The following TENM2 variants were observed in gnomAD, a reference collection of about 807,000 sequenced individuals.
TENM2 encodes teneurin-2.
In TENM2, 52 loss-of-function variants were observed where a neutral mutation model predicts 245.2. The observed-to-expected ratio is 0.21, with a 90% CI of 0.17 to 0.27. The LOEUF is 0.27. Ranked by LOEUF, TENM2 falls within the 10% of genes least tolerant of loss-of-function variation. The probability of loss-of-function intolerance (pLI) is 1.00; values close to 1 mark genes in which losing one functional copy is unlikely to be tolerated. For missense variants in TENM2, 3,046 were observed against 3,666.8 expected, an observed-to-expected ratio of 0.83 and a Z score of 4.37; for synonymous variants, 1,363 against 1,438.9, an observed-to-expected ratio of 0.95 and a Z score of 1.19.
intron 1 of TENM2, among the ~76,000 whole-genome samples, chr5:167,363,358 T>G (rs1423861577): frequency 1.3e-5 from 2 of 152,264 alleles, no homozygotes; most frequent in Admixed American, 6.5e-5. Context: ...TACAAATTTT[T>G]TAGCCGGCAA....
At chr5:168,099,810 G>A (rs1793661737) in intron 9 of TENM2, among the ~76,000 whole-genome samples, 1 of 152,184 alleles carries the variant, frequency 6.6e-6, no homozygotes, top group Non-Finnish European at 1.5e-5. Flanking sequence ...TGGGTCTGAT[G>A]GCACGTGCGT....
chr5:167,034,522 C>T, the TENM2 span, among the ~76,000 whole-genome samples: 4 of 145,018 alleles, frequency 2.8e-5, no homozygotes, highest in South Asian at 4.6e-4. Context: ...CCCAGCTACT[C>T]GGGAGGCTGA....
the TENM2 span, among the ~76,000 whole-genome samples, chr5:167,005,617 C>T: frequency 1.2e-4 from 18 of 149,122 alleles, no homozygotes; most frequent in Admixed American, 1.0e-3. Flanking sequence ...ATGTACTTGC[C>T]GAGAGTAAAT....
At chr5:167,117,077 T>C in the TENM2 span, among the ~76,000 whole-genome samples, 30 of 152,328 alleles carry the variant, frequency 2.0e-4, 3 homozygotes, top group South Asian at 6.0e-3. Context: ...AAGTGCTGCC[T>C]CAGCTGTTCA....
chr5:168,039,220 G>A (rs1787968532), intron 5 of TENM2, among the ~76,000 whole-genome samples: 1 of 152,152 alleles, frequency 6.6e-6, no homozygotes, highest in African/African-American at 2.4e-5. Flanking sequence ...GGATTCTGGT[G>A]GCCGCGTGCC....
At chr5:167,406,526 G>T (rs961941834) in intron 2 of TENM2, among the ~76,000 whole-genome samples, 2 of 152,092 alleles carry the variant, frequency 1.3e-5, no homozygotes, top group African/African-American at 4.8e-5. Flanking sequence ...TTATCAGTTG[G>T]ATTGTTAAGA....
the TENM2 span, among the ~76,000 whole-genome samples, chr5:167,191,897 C>T: frequency 6.6e-6 from 1 of 152,000 alleles, no homozygotes; most frequent in Non-Finnish European, 1.5e-5. Flanking sequence ...ACAGAAATAA[C>T]ATGACAAGGC....
At chr5:167,308,658 TG>T (rs1284811414) in intron 1 of TENM2, among the ~76,000 whole-genome samples, 3 of 152,178 alleles carry the variant, frequency 2.0e-5, no homozygotes, top group Admixed American at 1.3e-4. Context: ...TCTTTCCAGC[TG>T]TGAATTCTGC....
chr5:167,032,651 T>C, the TENM2 span, among the ~76,000 whole-genome samples: 4 of 152,190 alleles, frequency 2.6e-5, no homozygotes, highest in Admixed American at 6.5e-5. Flanking sequence ...TAGATACGTA[T>C]GGGAATCGTG....
At chr5:167,427,308 C>T (rs1021909918) in intron 2 of TENM2, among the ~76,000 whole-genome samples, 4 of 152,092 alleles carry the variant, frequency 2.6e-5, no homozygotes, top group African/African-American at 9.7e-5. Flanking sequence ...CAAAAATTAG[C>T]TGGGCGTGGT....
chr5:167,323,568 A>T (rs1488633586), intron 1 of TENM2, among the ~76,000 whole-genome samples: 2 of 152,124 alleles, frequency 1.3e-5, no homozygotes, highest in African/African-American at 4.8e-5. Flanking sequence ...TTACTCACTG[A>T]TAATAAAAAT....
At chr5:167,013,137 C>T in the TENM2 span, among the ~76,000 whole-genome samples, 63,148 of 151,954 alleles carry the variant, frequency 0.42, 13,378 homozygotes, top group Middle Eastern at 0.45. Context: ...GTAACTATGT[C>T]TTTAAAATAT....
chr5:168,230,058 A>G (rs530577809), intron 25 of TENM2, among the ~76,000 whole-genome samples: 5 of 152,356 alleles, frequency 3.3e-5, no homozygotes, highest in African/African-American at 9.6e-5. Context: ...TAAAGTGGCT[A>G]TAATCCCAAC....
At chr5:167,199,097 TAAAAAAAA>T in the TENM2 span, among the ~76,000 whole-genome samples, 6 of 79,318 alleles carry the variant, frequency 7.6e-5, no homozygotes, top group Non-Finnish European at 1.6e-4. Flanking sequence ...TGATATGAAG[TAAAAAAAA>T]AAAAAAAAAA....
At chr5:167,288,431 C>T (rs1024529040) in intron 1 of TENM2, among the ~76,000 whole-genome samples, 3 of 151,722 alleles carry the variant, frequency 2.0e-5, no homozygotes, top group Non-Finnish European at 2.9e-5. Flanking sequence ...CGGTGGCGGG[C>T]GCCTGTAGTC....
chr5:167,972,375 C>T (rs1781855977), intron 4 of TENM2, among the ~76,000 whole-genome samples: 1 of 152,150 alleles, frequency 6.6e-6, no homozygotes, highest in Non-Finnish European at 1.5e-5. Context: ...GAAGCATTTT[C>T]AGGTAATTTT....
At chr5:167,611,459 G>A (rs554508952) in intron 2 of TENM2, among the ~76,000 whole-genome samples, 23 of 152,020 alleles carry the variant, frequency 1.5e-4, no homozygotes, top group Admixed American at 2.6e-4. Context: ...GCATCCCTCC[G>A]TGGACCCCAA....
At chr5:167,535,160 A>AC (rs1362667106) in intron 2 of TENM2, among the ~76,000 whole-genome samples, 1 of 152,016 alleles carries the variant, frequency 6.6e-6, no homozygotes, top group Non-Finnish European at 1.5e-5. Flanking sequence ...CACAGGGTAC[A>AC]CAACATAAGT....
chr5:167,305,374 A>G (rs757247955), intron 1 of TENM2, among the ~76,000 whole-genome samples: 1 of 152,216 alleles, frequency 6.6e-6, no homozygotes, highest in Non-Finnish European at 1.5e-5. Flanking sequence ...TCTAGATCCT[A>G]TAAGCACCCA....
Sources: gnomAD v4.1 joint callset for allele counts (sites outside exome capture counted in the v4.1 genomes callset) on GRCh38, gnomAD v4.1.1 for gene constraint, MANE v1.5 for transcripts, NCBI Gene and HGNC (gene_info 2026-07-23, HGNC 2026-07-21) for gene names.